The following AMBRA1 variants were observed in gnomAD, a reference collection of about 807,000 sequenced individuals.
AMBRA1 encodes activating molecule in BECN1-regulated autophagy protein 1.
In AMBRA1, 47 loss-of-function variants were observed where a neutral mutation model predicts 125.4. That is an observed-to-expected ratio of 0.37 (90% CI 0.30 to 0.48). AMBRA1 has a LOEUF of 0.48. Among genes scored for constraint, AMBRA1 ranks in the 20% least tolerant of loss-of-function variants. The pLI, the probability that AMBRA1 is intolerant of heterozygous loss-of-function variation, is 0.99. For missense variants in AMBRA1, 1,331 were observed against 1,693.4 expected (o/e 0.79, Z 3.76); for synonymous variants, 626 against 655.5 (o/e 0.95, Z 0.69).
At chr11:46,445,080 A>C (rs893596503) in intron 11 of AMBRA1, among the ~76,000 whole-genome samples, 4 of 152,014 alleles carry the variant, frequency 2.6e-5, no homozygotes, top group Middle Eastern at 3.4e-3. Context: ...ACAAAAAAAA[A>C]AAAACAAAAA....
chr11:46,413,590 G>C (rs766554974), intron 15 of AMBRA1, among the ~76,000 whole-genome samples: 2 of 151,990 alleles, frequency 1.3e-5, no homozygotes, highest in Non-Finnish European at 1.5e-5. Flanking sequence ...TCCCAGATTC[G>C]AGTGATTTTC....
chr11:46,503,625 C>A (rs1950924624), intron 9 of AMBRA1, among the ~76,000 whole-genome samples: 1 of 152,120 alleles, frequency 6.6e-6, no homozygotes, highest in African/African-American at 2.4e-5. Context: ...CAAAAAAAGC[C>A]AAGCACAATA....
At chr11:46,550,816 G>C (rs1259719000) in intron 1 of AMBRA1, among the ~76,000 whole-genome samples, 1 of 151,954 alleles carries the variant, frequency 6.6e-6, no homozygotes, top group Non-Finnish European at 1.5e-5. Flanking sequence ...GCCAGGCGCA[G>C]TGGCTCACGC....
chr11:46,469,404 C>A (rs1949476746), intron 11 of AMBRA1, among the ~76,000 whole-genome samples: 1 of 151,702 alleles, frequency 6.6e-6, no homozygotes, highest in South Asian at 2.1e-4. Flanking sequence ...CCTTAGATTA[C>A]AACAGACTGT....
At position 46,460,716 on chromosome 11, in the gene AMBRA1, A is replaced by G. The variant is rs546098071; in HGVS notation, c.2522-17118T>C. Among the ~76,000 whole-genome samples the G allele has an allele frequency of 5.2e-5, 8 of 152,390 alleles. No individual in the cohort carries two copies. The East Asian group carries it at 1.3e-3, about 26-fold the overall frequency. On this transcript the variant is annotated intron_variant, in intron 11 of 17. Coordinates refer to ENST00000683756, the MANE Select transcript of AMBRA1 (RefSeq NM_001387011.1). Reference sequence around the variant, plus strand: ...CCATATAAACCAAAGTCATAAGAGCAGATGCCTGTGAAGTGGTAAAGATAA... The same window carrying G: ...CCATATAAACCAAAGTCATAAGAGCGGATGCCTGTGAAGTGGTAAAGATAA...
intron 15 of AMBRA1, among the ~76,000 whole-genome samples, chr11:46,414,239 C>T (rs1481803012): frequency 6.6e-6 from 1 of 152,166 alleles, no homozygotes; most frequent in Non-Finnish European, 1.5e-5. Flanking sequence ...ACCAAAGATG[C>T]CTGGTGTCTC....
At position 46,542,485 on chromosome 11, in the gene AMBRA1, T is replaced by G; in HGVS notation, c.1532A>C (p.Asp511Ala). 2 of 1,613,754 alleles carry G rather than the reference T, an allele frequency of 1.2e-6. No homozygotes were observed. Among genetic ancestry groups the G allele is most frequent in the Non-Finnish European group, 1.7e-6 (2 of 1,180,014 alleles). ...GCTCTGATCCAGCTCCTGAAGCCGG[T>G]CATACTCCAGAAAGAAGCGTCTCAG... ...CDLRRFFLEY[D>A]RLQELDQSLS... Residue 511 changes from aspartate (D) to alanine (A), a missense_variant, in exon 7 of 18, where the codon GAC becomes GCC. Around this residue, in one of 4 missense-constraint regions of AMBRA1, gnomAD observed 689 missense variants for 776.5 expected, o/e 0.89. Transcript: ENST00000683756. This position sits in a 1 kb window ranked among gnomAD's most constrained non-coding sequence, Gnocchi z 5.9.
At position 46,547,367 on chromosome 11, in the gene AMBRA1, G is replaced by A. The variant is rs192516690; in HGVS notation, c.195-71C>T. ...GTAACCAATCTTATCAACTTTGGAC[G>A]ACATAGAATATTGATGCTACCTGCC... On this transcript the variant is annotated intron_variant, in intron 3 of 17. Coordinates refer to ENST00000683756, the MANE Select transcript of AMBRA1 (RefSeq NM_001387011.1). 2.1e-3 allele frequency: 2,871 copies of A among 1,378,230 alleles called. 10 individuals are homozygous for A. The highest frequency in any genetic ancestry group is 2.5e-3 in the Non-Finnish European group (2,513 of 1,010,926). 85.4% of individuals were successfully genotyped at this position (1,378,230 alleles called of 1,614,324 possible).
At position 46,482,940 on chromosome 11, in the gene AMBRA1, C is replaced by T. The variant is rs140828830; in HGVS notation, c.2521+10668G>A. ...AGGAGAATCATTTGAACCTGGGAGG[C>T]GGAGGTTGCAGTGAGCCGAGACCAT... On this transcript the variant is annotated intron_variant, in intron 11 of 17. Coordinates refer to ENST00000683756, the MANE Select transcript of AMBRA1 (RefSeq NM_001387011.1). Among the ~76,000 whole-genome samples, 170 of 148,500 alleles carry T rather than the reference C, an allele frequency of 1.1e-3. 2 individuals are homozygous for T. Among genetic ancestry groups the T allele is most frequent in the South Asian group, 5.3e-3 (25 of 4,732 alleles).
chr11:46,564,942 A>G (rs182624002), intron 1 of AMBRA1, among the ~76,000 whole-genome samples: 1 of 152,310 alleles, frequency 6.6e-6, no homozygotes, highest in Non-Finnish European at 1.5e-5. Context: ...TGCACCAAGA[A>G]TGTAGAGTGT....
Position 46,396,549 on chromosome 11 carries a change from A to C in AMBRA1, c.*901T>G, listed in dbSNP as rs1945473306. The C allele has an allele frequency of 6.5e-6, 1 of 152,678 alleles. No individual in the cohort carries two copies. The highest frequency in any genetic ancestry group is 2.4e-5 in the African/African-American group (1 of 41,456). 9.5% of individuals were successfully genotyped at this position (152,678 alleles called of 1,614,324 possible). On this transcript the variant is annotated 3_prime_UTR_variant, in exon 18 of 18. Coordinates refer to ENST00000683756, the MANE Select transcript of AMBRA1 (RefSeq NM_001387011.1). Reference sequence around the variant, plus strand: ...AGGAAATCACATTTTCATACTAAAAACAAAATGATCAGAGCCTTGATTTCT... The same window carrying C: ...AGGAAATCACATTTTCATACTAAAACCAAAATGATCAGAGCCTTGATTTCT...
In AMBRA1 at chr11:46,547,992, TG is replaced by T; in HGVS notation, c.136-118del. Reference sequence around the variant, plus strand: ...GCATTCACAGTGTAGGCTTAAAAACTGGAGACAATGATCAAGCTACAAATTG... The same window carrying T: ...GCATTCACAGTGTAGGCTTAAAAACTGAGACAATGATCAAGCTACAAATTG... On this transcript the variant is annotated intron_variant, in intron 2 of 17. Transcript: ENST00000683756. The T allele has an allele frequency of 6.3e-6, 8 of 1,279,850 alleles. No individual in the cohort carries two copies. In the South Asian group the frequency reaches 9.2e-5, roughly 15 times the overall value. The allele number at this position is 1,279,850 out of a possible 1,614,324, so 79.3% of individuals were successfully genotyped here.
At chr11:46,587,955 C>T (rs555356495) in intron 1 of AMBRA1, among the ~76,000 whole-genome samples, 1 of 152,124 alleles carries the variant, frequency 6.6e-6, no homozygotes, top group South Asian at 2.1e-4. Context: ...CAAAACAACA[C>T]ACAATGAAGA....
At chr11:46,562,527 T>C (rs1246713228) in intron 1 of AMBRA1, among the ~76,000 whole-genome samples, 1 of 152,190 alleles carries the variant, frequency 6.6e-6, no homozygotes, top group Non-Finnish European at 1.5e-5. Flanking sequence ...CTAAGGGAAT[T>C]ACAGATGCAT....
At chr11:46,437,817 G>C (rs1363470082) in intron 12 of AMBRA1, among the ~76,000 whole-genome samples, 1 of 152,168 alleles carries the variant, frequency 6.6e-6, no homozygotes, top group Non-Finnish European at 1.5e-5. Flanking sequence ...ATATAAGGTA[G>C]AGAGAAAAGG....
chr11:46,397,383 C>T lies in AMBRA1; in HGVS notation c.*67G>A. On this transcript the variant is annotated 3_prime_UTR_variant, in exon 18 of 18. Coordinates refer to ENST00000683756, the MANE Select transcript of AMBRA1 (RefSeq NM_001387011.1). ...AGCAGCTCTTCCACATGTCCAGTTC[C>T]CAGTCAGCTGTGAGGTCCGGTTTCT... 1.4e-6 allele frequency: 2 copies of T among 1,440,638 alleles called. No individual in the cohort carries two copies. The highest frequency in any genetic ancestry group is 1.8e-6 in the Non-Finnish European group (2 of 1,096,484). The allele number at this position is 1,440,638 out of a possible 1,614,324, so 89.2% of individuals were successfully genotyped here.
intron 11 of AMBRA1, among the ~76,000 whole-genome samples, chr11:46,492,055 C>T (rs180839839): frequency 6.6e-6 from 1 of 152,280 alleles, no homozygotes. Flanking sequence ...AAGTTATTAT[C>T]TGCCAGTGAA....
At chr11:46,481,067 C>G (rs1950045868) in intron 11 of AMBRA1, among the ~76,000 whole-genome samples, 1 of 152,192 alleles carries the variant, frequency 6.6e-6, no homozygotes, top group Non-Finnish European at 1.5e-5. Context: ...CTTCCCTGTG[C>G]CTGGGTCTTG....
chr11:46,424,825 C>T (rs1220316441), intron 14 of AMBRA1, among the ~76,000 whole-genome samples: 2 of 151,668 alleles, frequency 1.3e-5, no homozygotes, highest in Admixed American at 1.3e-4. Context: ...GGGTGAGATC[C>T]TGTGTCTTAA....
Sources: allele counts gnomAD v4.1 joint callset (sites outside exome capture counted in the v4.1 genomes callset), GRCh38; gene constraint gnomAD v4.1.1; regional missense constraint gnomAD v4.1.1; non-coding constraint Gnocchi (gnomAD v3.1); transcripts MANE v1.5; gene names NCBI Gene and HGNC (gene_info 2026-07-23, HGNC 2026-07-21).